The following XIRP2 variants were observed in gnomAD, a reference collection of about 807,000 sequenced individuals.
XIRP2 encodes the protein xin actin binding repeat containing 2.
Under a neutral mutation model 277.0 loss-of-function variants are expected in XIRP2, and 236 were observed. The observed-to-expected ratio is 0.85, with a 90% CI of 0.77 to 0.95. XIRP2 has a LOEUF of 0.95. Among genes scored for constraint, XIRP2 ranks in the 40% least tolerant of loss-of-function variants. The pLI is 0.00. For missense variants in XIRP2, 4,640 were observed against 4,157.5 expected, an observed-to-expected ratio of 1.12 and a Z score of -3.19; for synonymous variants, 1,490 against 1,416.5, an observed-to-expected ratio of 1.05 and a Z score of -1.17.
At chr2:167,154,884 A>T (rs1159138747) in intron 3 of XIRP2, among the ~76,000 whole-genome samples, 2 of 152,156 alleles carry the variant, frequency 1.3e-5, no homozygotes, top group African/African-American at 4.8e-5. Context: ...GAAGAATCAA[A>T]TAGATGCAAG....
In XIRP2 at chr2:166,903,701, G is replaced by A. The variant is rs368718243; in HGVS notation, c.219G>A (p.Ser73=). ...PYSTGEEMWS[S]KPEEKDSVDK... Reference sequence around the variant, plus strand: ...GTACAGGGGAAGAGATGTGGAGTTCGAAGCCGGAAGAGAAGGATTCTGTGG... The same window carrying A: ...GTACAGGGGAAGAGATGTGGAGTTCAAAGCCGGAAGAGAAGGATTCTGTGG... The change falls in exon 2 of 11, where the codon TCG becomes TCA. Residue 73 remains serine, a synonymous_variant. Transcript: ENST00000409195. 4.3e-6 allele frequency: 7 copies of A among 1,613,652 alleles called. No homozygotes were observed. The highest frequency in any genetic ancestry group is 3.3e-5 in the Admixed American group (2 of 59,896).
At chr2:166,911,261 G>T (rs953682180) in intron 2 of XIRP2, among the ~76,000 whole-genome samples, 4 of 152,098 alleles carry the variant, frequency 2.6e-5, no homozygotes, top group Non-Finnish European at 5.9e-5. Context: ...TCTCTTTGTA[G>T]GTCACTCAGG....
chr2:167,082,863 G>C (rs1574235996), intron 2 of XIRP2, among the ~76,000 whole-genome samples: 2 of 152,172 alleles, frequency 1.3e-5, no homozygotes, highest in East Asian at 1.9e-4. Context: ...AGATGAGTAG[G>C]TTGTGAACAT....
chr2:167,041,748 G>A (rs1574197320), intron 2 of XIRP2, among the ~76,000 whole-genome samples: 1 of 152,116 alleles, frequency 6.6e-6, no homozygotes, highest in Non-Finnish European at 1.5e-5. Flanking sequence ...GAGAGGGCAC[G>A]TGTGCAACTT....
At chr2:167,254,992 T>G (rs886148988) in intron 10 of XIRP2, among the ~76,000 whole-genome samples, 3 of 151,592 alleles carry the variant, frequency 2.0e-5, no homozygotes, top group Non-Finnish European at 4.4e-5. Context: ...AACACCCTCA[T>G]GGCAACATTT....
In XIRP2 at chr2:166,982,125, G is replaced by A. The variant is rs534656178; in HGVS notation, c.408+78235G>A. Reference sequence around the variant, plus strand: ...ATATTTTCAATGAACATAGAATTTTGGATAACTTTTTCTTTTTCTTTCGAT... The same window carrying A: ...ATATTTTCAATGAACATAGAATTTTAGATAACTTTTTCTTTTTCTTTCGAT... On this transcript the variant is annotated intron_variant, in intron 2 of 10. Coordinates refer to ENST00000409195, the MANE Select transcript of XIRP2 (RefSeq NM_152381.6). 2.6e-5 allele frequency among the ~76,000 whole-genome samples: 4 copies of A among 151,704 alleles called. No homozygotes were observed. The South Asian group carries it at 8.3e-4, about 32-fold the overall frequency.
At chr2:166,979,387 T>G (rs1159308271) in intron 2 of XIRP2, among the ~76,000 whole-genome samples, 1 of 120,626 alleles carries the variant, frequency 8.3e-6, no homozygotes, top group African/African-American at 3.6e-5. Context: ...TTTTTTTTTT[T>G]GCTTCAGTAG....
intron 3 of XIRP2, among the ~76,000 whole-genome samples, chr2:167,185,840 T>G (rs1195202672): frequency 6.6e-6 from 1 of 152,154 alleles, no homozygotes; most frequent in African/African-American, 2.4e-5. Flanking sequence ...ATTATCTCAT[T>G]TCATCTTCAT....
At chr2:167,017,050 C>T (rs764752152) in intron 2 of XIRP2, among the ~76,000 whole-genome samples, 2 of 151,892 alleles carry the variant, frequency 1.3e-5, no homozygotes, top group Non-Finnish European at 2.9e-5. Context: ...TGAGCATGCA[C>T]TCTCACAGCT....
intron 3 of XIRP2, among the ~76,000 whole-genome samples, chr2:167,176,334 A>G (rs1692847399): frequency 6.6e-6 from 1 of 151,886 alleles, no homozygotes; most frequent in Non-Finnish European, 1.5e-5. Context: ...GGCTGCACCC[A>G]CTGTCTTACC....
intron 9 of XIRP2, among the ~76,000 whole-genome samples, chr2:167,253,093 T>C (rs1201972441): frequency 6.6e-6 from 1 of 151,910 alleles, no homozygotes; most frequent in African/African-American, 2.4e-5. Flanking sequence ...CTAAAGTAGA[T>C]ATAATTATTT....
At chr2:167,227,485 G>A (rs1408044018) in intron 5 of XIRP2, among the ~76,000 whole-genome samples, 1 of 152,064 alleles carries the variant, frequency 6.6e-6, no homozygotes, top group African/African-American at 2.4e-5. Context: ...AGGATCGTTT[G>A]AGGCCAGGAG....
chr2:166,985,793 T>G (rs1686989150), intron 2 of XIRP2, among the ~76,000 whole-genome samples: 1 of 152,096 alleles, frequency 6.6e-6, no homozygotes, highest in Non-Finnish European at 1.5e-5. Flanking sequence ...TAGGAATTTC[T>G]GATCACCCAG....
At chr2:167,071,535 G>T (rs1211766726) in intron 2 of XIRP2, among the ~76,000 whole-genome samples, 6 of 152,126 alleles carry the variant, frequency 3.9e-5, no homozygotes, top group South Asian at 4.1e-4. Context: ...GTAGGAGAAG[G>T]TTGGTCTCAT....
intron 3 of XIRP2, among the ~76,000 whole-genome samples, chr2:167,152,340 C>T (rs181039154): frequency 6.3e-4 from 96 of 151,948 alleles, no homozygotes; most frequent in Non-Finnish European, 8.5e-4. Context: ...TGCTGCCCCC[C>T]GCCCCCAGTT....
rs111711586 is a variant in XIRP2, at chr2:167,232,031, C to T, written c.859-7824C>T. Among the ~76,000 whole-genome samples the T allele has an allele frequency of 7.2e-5, 11 of 152,098 alleles. 1 individual carries two copies. Among genetic ancestry groups the T allele is most frequent in the African/African-American group, 2.6e-4 (11 of 41,528 alleles). On this transcript the variant is annotated intron_variant, in intron 5 of 10. Coordinates refer to ENST00000409195, the MANE Select transcript of XIRP2 (RefSeq NM_152381.6). ...TCTTGAGATACACTCTCCACCCCTGCCACCCATTGCCTCTTCAATAAATTC... is the reference window on the plus strand; with the variant it reads ...TCTTGAGATACACTCTCCACCCCTGTCACCCATTGCCTCTTCAATAAATTC...
At chr2:166,977,927 T>C (rs941785563) in intron 2 of XIRP2, among the ~76,000 whole-genome samples, 5 of 152,196 alleles carry the variant, frequency 3.3e-5, no homozygotes, top group African/African-American at 1.2e-4. Flanking sequence ...AAGAAAGCTT[T>C]CTCTATGTCT....
intron 2 of XIRP2, among the ~76,000 whole-genome samples, chr2:167,114,263 CA>C (rs1481260476): frequency 6.6e-6 from 1 of 152,102 alleles, no homozygotes; most frequent in African/African-American, 2.4e-5. Flanking sequence ...TCAGAGACGC[CA>C]ATGCGTCATA....
intron 3 of XIRP2, chr2:167,187,606 A>C: frequency 9.8e-6 from 9 of 916,584 alleles, no homozygotes; most frequent in Non-Finnish European, 1.2e-5. Context: ...ACTTAAGGTC[A>C]ATGAAGACCA....
Sources: gnomAD v4.1 joint callset for allele counts (sites outside exome capture counted in the v4.1 genomes callset) on GRCh38, gnomAD v4.1.1 for gene constraint, MANE v1.5 for transcripts, NCBI Gene and HGNC (gene_info 2026-07-23, HGNC 2026-07-21) for gene names.